NCALD: variants seen among roughly 807,000 people sequenced by gnomAD.
NCALD encodes neurocalcin delta.
A neutral mutation model predicts 18.6 loss-of-function variants in NCALD; 10 were observed. The observed-to-expected ratio is 0.54, with a 90% CI of 0.33 to 0.91. NCALD has a LOEUF of 0.91. Ranked by LOEUF, NCALD falls within the 40% of genes least tolerant of loss-of-function variation. NCALD has a pLI of 0.03. For synonymous variants in NCALD, 88 were observed against 87.4 expected (o/e 1.01, Z -0.04); for missense variants, 184 against 247.6 (o/e 0.74, Z 1.72).
chr8:101,911,748 C>A (rs973441110), intron 3 of NCALD, among the ~76,000 whole-genome samples: 3 of 152,114 alleles, frequency 2.0e-5, no homozygotes, highest in African/African-American at 7.2e-5. Flanking sequence ...CACGAATTAC[C>A]TGCTTTCTTC....
chr8:102,080,666 CTGGGAACGCTAAA>C (rs1245346887), intron 1 of NCALD, among the ~76,000 whole-genome samples: 1 of 152,180 alleles, frequency 6.6e-6, no homozygotes, highest in Non-Finnish European at 1.5e-5. Context: ...TGGGGAACCT[CTGGGAACGCTAAA>C]TGTTCTATGA....
intron 2 of NCALD, among the ~76,000 whole-genome samples, chr8:101,985,745 T>C (rs181883226): frequency 1.3e-5 from 2 of 152,342 alleles, no homozygotes; most frequent in Non-Finnish European, 2.9e-5. Flanking sequence ...ATTTCGTTTT[T>C]CTTCCCAAGC....
At chr8:101,886,778 T>C (rs1816689419) in intron 4 of NCALD, among the ~76,000 whole-genome samples, 1 of 152,150 alleles carries the variant, frequency 6.6e-6, no homozygotes, top group Non-Finnish European at 1.5e-5. Flanking sequence ...ATTTGGAAAG[T>C]AAGGAGGGGT....
chr8:101,995,813 C>T (rs1232164173), intron 2 of NCALD, among the ~76,000 whole-genome samples: 3 of 152,224 alleles, frequency 2.0e-5, no homozygotes, highest in Non-Finnish European at 4.4e-5. Flanking sequence ...TATAACACCA[C>T]AGAGTCACGT....
chr8:101,972,063 G>A (rs78569149), intron 2 of NCALD, among the ~76,000 whole-genome samples: 1 of 152,126 alleles, frequency 6.6e-6, no homozygotes, highest in Non-Finnish European at 1.5e-5. Flanking sequence ...AGGAATCCAC[G>A]GATTCACTAG....
At chr8:102,043,523 T>C (rs1202310773) in intron 1 of NCALD, among the ~76,000 whole-genome samples, 1 of 151,536 alleles carries the variant, frequency 6.6e-6, no homozygotes, top group Admixed American at 6.6e-5. Flanking sequence ...TTTGGGGGCA[T>C]GGAGAAGGAA....
chr8:101,731,724 T>C (rs553216382), intron 1 of NCALD, among the ~76,000 whole-genome samples: 20 of 152,260 alleles, frequency 1.3e-4, no homozygotes, highest in African/African-American at 4.8e-4. Flanking sequence ...GAAATTCAAC[T>C]CCTGATGGCA....
chr8:101,959,217 CTAGT>C, intron 2 of NCALD, among the ~76,000 whole-genome samples: 1 of 151,970 alleles, frequency 6.6e-6, no homozygotes. Context: ...AGATTACAGG[CTAGT>C]TATTTTTTTT....
At chr8:101,692,077 C>A in intron 3 of NCALD, 1 of 960,474 alleles carries the variant, frequency 1.0e-6, no homozygotes, top group Non-Finnish European at 1.2e-6. Context: ...AATTGTTAGG[C>A]TAATCCTAAC....
chr8:101,805,503 T>C (rs1400483454), intron 4 of NCALD, among the ~76,000 whole-genome samples: 3 of 152,208 alleles, frequency 2.0e-5, no homozygotes, highest in African/African-American at 7.2e-5. Flanking sequence ...CAATGCAGCT[T>C]GCTTTTAGAG....
chr8:102,123,306 C>T (rs1227834499), intron 1 of NCALD, among the ~76,000 whole-genome samples: 1 of 152,102 alleles, frequency 6.6e-6, no homozygotes, highest in Non-Finnish European at 1.5e-5. Context: ...GACCTTCTTG[C>T]GGGGCTAGCG....
intron 2 of NCALD, among the ~76,000 whole-genome samples, chr8:101,974,194 AT>A (rs1033118135): frequency 4.6e-5 from 7 of 152,116 alleles, no homozygotes; most frequent in African/African-American, 1.7e-4. Context: ...CCAATTTCCC[AT>A]TTTATCAATT....
At chr8:102,052,967 A>G (rs1369941511) in intron 1 of NCALD, among the ~76,000 whole-genome samples, 3 of 152,220 alleles carry the variant, frequency 2.0e-5, no homozygotes, top group Admixed American at 2.0e-4. Flanking sequence ...CCTGAGGGTC[A>G]TACAAAAACA....
intron 1 of NCALD, among the ~76,000 whole-genome samples, chr8:102,076,053 AT>A (rs1343593934): frequency 6.6e-6 from 1 of 152,028 alleles, no homozygotes; most frequent in Non-Finnish European, 1.5e-5. Flanking sequence ...TATGTAAAAA[AT>A]AAAACTATTA....
intron 1 of NCALD, among the ~76,000 whole-genome samples, chr8:102,055,547 T>C (rs1823621847): frequency 6.6e-6 from 1 of 152,260 alleles, no homozygotes; most frequent in African/African-American, 2.4e-5. Flanking sequence ...GCCTTCTTTC[T>C]AGCACTTCTA....
chr8:101,706,009 C>T (rs1730950242), intron 2 of NCALD, among the ~76,000 whole-genome samples: 2 of 152,150 alleles, frequency 1.3e-5, no homozygotes, highest in South Asian at 4.1e-4. Flanking sequence ...AAGCCTGAAA[C>T]ACAGTAACTC....
chr8:101,843,582 G>GTTTTTTTGTT (rs1554644303), intron 4 of NCALD, among the ~76,000 whole-genome samples: 1 of 125,140 alleles, frequency 8.0e-6, no homozygotes, highest in African/African-American at 3.3e-5. Context: ...TTTAAAAATT[G>GTTTTTTTGTT]TTTTTTTTTT....
intron 2 of NCALD, among the ~76,000 whole-genome samples, chr8:101,994,424 C>T (rs1049672794): frequency 6.6e-6 from 1 of 152,172 alleles, no homozygotes; most frequent in African/African-American, 2.4e-5. Context: ...TCCTTGAGGG[C>T]TACTGTTCCT....
At chr8:102,052,600 C>T (rs1823493035) in intron 1 of NCALD, among the ~76,000 whole-genome samples, 2 of 152,212 alleles carry the variant, frequency 1.3e-5, no homozygotes, top group Admixed American at 1.3e-4. Context: ...CCATCTCTTC[C>T]CCAACCTGGT....
Sources: gnomAD v4.1 joint callset for allele counts (sites outside exome capture counted in the v4.1 genomes callset) on GRCh38, gnomAD v4.1.1 for gene constraint, MANE v1.5 for transcripts, NCBI Gene and HGNC (gene_info 2026-07-23, HGNC 2026-07-21) for gene names.